RNF40: variants seen among roughly 807,000 people sequenced by gnomAD.
RNF40 encodes the protein ring finger protein 40.
Under a neutral mutation model 123.3 loss-of-function variants are expected in RNF40, and 39 were observed. The ratio of observed to expected loss-of-function variants is 0.32; its 90% confidence interval spans 0.24 to 0.41. The LOEUF (loss-of-function observed/expected upper bound fraction) is 0.41, where lower values mean the gene tolerates loss of function less well. Among genes scored for constraint, RNF40 ranks in the 10% least tolerant of loss-of-function variants. The pLI is 1.00. For missense variants in RNF40, 1,003 were observed against 1,319.9 expected (o/e 0.76, Z 3.72); for synonymous variants, 538 against 526.0 (o/e 1.02, Z -0.31).
In RNF40 at chr16:30,769,340, A is replaced by G. The variant is rs780682549; in HGVS notation, c.2402A>G (p.Lys801Arg). The change falls in exon 16 of 20, where the codon AAG becomes AGG. Residue 801 changes from lysine to arginine, a missense_variant. Lys to Arg is a conservative substitution (Grantham distance 26). Coordinates refer to ENST00000324685, the MANE Select transcript of RNF40 (RefSeq NM_014771.4). ...CGGATCAAGGCCAACCAGATTCACA[A>G]GCTGCTGCGGGAGGAGAAGGATGAG... The part of the protein sequence containing the change: ...SERIKANQIH[K>R]LLREEKDELG... 15 of 1,614,106 alleles carry G rather than the reference A, an allele frequency of 9.3e-6. No individual in the cohort carries two copies. The highest frequency in any genetic ancestry group is 2.2e-5 in the South Asian group (2 of 91,082).
At chr16:30,762,723 C>T (rs751463601) in intron 2 of RNF40, 46 bp downstream of exon 2, 10 of 1,596,008 alleles carry the variant, frequency 6.3e-6, no homozygotes, top group East Asian at 2.2e-5. Flanking sequence ...CAGAGCCCTC[C>T]CTCTGTTCTC....
Position 30,766,848 on chromosome 16 carries a change from G to A in RNF40, c.1401G>A (p.Glu467=). 1.9e-6 allele frequency: 3 copies of A among 1,613,736 alleles called. No homozygotes were observed. The highest frequency in any genetic ancestry group is 2.5e-6 in the Non-Finnish European group (3 of 1,179,992). ...KEYEMLRIEF[E]QNLAANEQAG... ...ATGAGATGCTGCGCATCGAGTTTGA[G>A]CAGAATCTGGCGGCCAACGAGCAGG... Residue 467 remains glutamate (E), a synonymous_variant, in exon 11 of 20, where the codon GAG becomes GAA. Transcript: ENST00000324685. The surrounding 1 kb of genome is among the most constrained non-coding windows in gnomAD (Gnocchi z 5.4).
Position 30,765,072 on chromosome 16 carries a change from G to T in RNF40, c.771+13G>T. 6.2e-7 allele frequency: 1 copy of T among 1,613,358 alleles called. No individual in the cohort carries two copies. The highest frequency in any genetic ancestry group is 8.5e-7 in the Non-Finnish European group (1 of 1,179,402). ...CATCTCATTGGAGGTGAGGAGCCGG[G>T]GGCTTTGGGGGTGTGATTAGAATCA... On this transcript the variant is annotated intron_variant, in intron 6 of 19. Coordinates refer to ENST00000324685, the MANE Select transcript of RNF40 (RefSeq NM_014771.4).
intron 17 of RNF40, among the ~76,000 whole-genome samples, chr16:30,771,616 C>CA (rs551320622): frequency 1.6e-3 from 236 of 149,912 alleles, no homozygotes; most frequent in African/African-American, 5.4e-3. Flanking sequence ...GACTCCGTCT[C>CA]AAAAAAACAA....
At position 30,775,492 on chromosome 16, in the gene RNF40, A is replaced by C. The variant is rs754816424; in HGVS notation, c.*1378A>C. On this transcript the variant is annotated 3_prime_UTR_variant, in exon 20 of 20. Coordinates refer to ENST00000324685, the MANE Select transcript of RNF40 (RefSeq NM_014771.4). ...ACATGGTTAGGAGGTTCTCGGAGAG[A>C]GAGCTAGTTTCCCGGTTGCGCTGGC... is the stretch of plus-strand genomic sequence containing the variant. The C allele has an allele frequency of 4.8e-5, 8 of 165,634 alleles. No homozygotes were observed. The highest frequency in any genetic ancestry group is 1.2e-4 in the Admixed American group (2 of 17,214). 10.3% of individuals were successfully genotyped at this position (165,634 alleles called of 1,614,324 possible). A position where few individuals can be genotyped will look rare whatever the true frequency, so the allele number is the denominator to read the frequency against.
Position 30,774,542 on chromosome 16 carries a change from C to T in RNF40, c.*428C>T, listed in dbSNP as rs1432004133. On this transcript the variant is annotated 3_prime_UTR_variant, in exon 20 of 20. Coordinates refer to ENST00000324685, the MANE Select transcript of RNF40 (RefSeq NM_014771.4). Reference sequence around the variant, plus strand: ...AGGACCAGTGAGCCATGTCCTTGTTCCTTGTTTGAGACTGGGCTGCAGGCC... The same window carrying T: ...AGGACCAGTGAGCCATGTCCTTGTTTCTTGTTTGAGACTGGGCTGCAGGCC... The T allele has an allele frequency of 3.6e-5, 8 of 222,226 alleles. No individual in the cohort carries two copies. The South Asian group carries it at 4.6e-4, about 13-fold the overall frequency. 13.8% of individuals were successfully genotyped at this position (222,226 alleles called of 1,614,324 possible). A position where few individuals can be genotyped will look rare whatever the true frequency, so the allele number is the denominator to read the frequency against.
intron 5 of RNF40, among the ~76,000 whole-genome samples, 191 bp from the exon 6 acceptor site, chr16:30,764,746 GC>G: frequency 6.6e-6 from 1 of 152,352 alleles, no homozygotes; most frequent in South Asian, 2.1e-4. Context: ...ACCTGGACAT[GC>G]TGGGAAAGTG....
intron 19 of RNF40, among the ~76,000 whole-genome samples, chr16:30,772,821 G>A (rs1164535810): frequency 6.6e-6 from 1 of 152,206 alleles, no homozygotes; most frequent in Admixed American, 6.5e-5. Context: ...TTGGTTTTGG[G>A]CTGGAAGAGG....
rs542560791 is a variant in RNF40, at chr16:30,764,919, C to G, written c.650-19C>G. The G allele has an allele frequency of 1.7e-5, 28 of 1,608,536 alleles. No homozygotes were observed. Among genetic ancestry groups the G allele is most frequent in the Non-Finnish European group, 1.6e-5 (19 of 1,178,320 alleles). On this transcript the variant is annotated intron_variant, in intron 5 of 19. Coordinates refer to ENST00000324685, the MANE Select transcript of RNF40 (RefSeq NM_014771.4). Reference sequence around the variant, plus strand: ...CCATTGCCCTGAGCTGGGCTCTTACCTGGGCCCTGCCTTCCCAGGGGACAG... The same window carrying G: ...CCATTGCCCTGAGCTGGGCTCTTACGTGGGCCCTGCCTTCCCAGGGGACAG...
Position 30,768,599 on chromosome 16 carries a change from C to T in RNF40, c.1980-20C>T, listed in dbSNP as rs753816906. ...CTCCAGTCCCACTCACTAAGACTTC[C>T]TCCTGTACCTTCTTGCCAGGAAGGC... is the stretch of plus-strand genomic sequence containing the variant. On this transcript the variant is annotated intron_variant, in intron 13 of 19. Coordinates refer to ENST00000324685, the MANE Select transcript of RNF40 (RefSeq NM_014771.4). This position sits in a 1 kb window ranked among gnomAD's most constrained non-coding sequence, Gnocchi z 4.1. 1 of 1,614,024 alleles carries T rather than the reference C, an allele frequency of 6.2e-7. No individual in the cohort carries two copies. The highest frequency in any genetic ancestry group is 2.2e-5 in the East Asian group (1 of 44,892).
At chr16:30,761,691 G>T, upstream of RNF40, 1 of 1,535,708 alleles carries the variant, frequency 6.5e-7, no homozygotes, top group Non-Finnish European at 8.7e-7. Flanking sequence ...TCGGAGAGAT[G>T]TTCAAGCTCC....
intron 4 of RNF40, 52 bp from the exon 5 acceptor site, chr16:30,764,127 G>A: frequency 1.4e-6 from 2 of 1,480,000 alleles, no homozygotes; most frequent in South Asian, 1.2e-5. Context: ...TTGGTACAGA[G>A]TGGTAGTAAC....
rs1160489989 is a variant in RNF40, at chr16:30,762,518, A to C, written c.-28A>C. ...CCTCCCGTTTGACGCCCCTCAGGGG[A>C]CCCTGCATCGCTCCAGCCGCCGCGG... is the stretch of plus-strand genomic sequence containing the variant. On this transcript the variant is annotated 5_prime_UTR_variant, in exon 2 of 20. Transcript: ENST00000324685. 11 of 1,571,576 alleles carry C rather than the reference A, an allele frequency of 7.0e-6. No homozygotes were observed. In the Admixed American group the frequency reaches 1.8e-4, roughly 25 times the overall value.
chr16:30,762,758 A>C, intron 2 of RNF40, 81 bp downstream of exon 2: 1 of 1,545,622 alleles, frequency 6.5e-7, no homozygotes, highest in South Asian at 1.2e-5. Context: ...GGAATCTTAC[A>C]CCCACTTCCC....
intron 15 of RNF40, 59 bp downstream of exon 15, chr16:30,769,046 T>A: frequency 3.7e-6 from 6 of 1,609,274 alleles, no homozygotes; most frequent in Non-Finnish European, 5.1e-6. Context: ...ATACCCTGTT[T>A]GGTGCCTCTA....
intron 5 of RNF40, among the ~76,000 whole-genome samples, 155 bp downstream of exon 5, chr16:30,764,540 A>G (rs1197437290): frequency 2.0e-5 from 3 of 152,222 alleles, no homozygotes; most frequent in Non-Finnish European, 4.4e-5. Flanking sequence ...GTTAGGCTGT[A>G]GATGGGGGTT....
At chr16:30,771,595 G>A (rs1021406954) in intron 17 of RNF40, among the ~76,000 whole-genome samples, 14 of 151,948 alleles carry the variant, frequency 9.2e-5, no homozygotes, top group African/African-American at 3.1e-4. Context: ...CCAGCGTGGG[G>A]GACAGAGTAA....
Position 30,776,035 on chromosome 16 carries a change from G to T in RNF40, c.*1921G>T, listed in dbSNP as rs1168541651. On this transcript the variant is annotated 3_prime_UTR_variant, in exon 20 of 20. Transcript: ENST00000324685. Reference sequence around the variant, plus strand: ...GCAGCGGTGCGAGGGTGGGAAAAACGCAGGATATTGCATCATAGAGACGCG... The same window carrying T: ...GCAGCGGTGCGAGGGTGGGAAAAACTCAGGATATTGCATCATAGAGACGCG... 1 of 152,238 alleles carries T rather than the reference G, an allele frequency of 6.6e-6. No homozygotes were observed. Among genetic ancestry groups the T allele is most frequent in the Non-Finnish European group, 1.5e-5 (1 of 68,052 alleles). 9.4% of individuals were successfully genotyped at this position (152,238 alleles called of 1,614,324 possible).
In RNF40 at chr16:30,765,489, G is replaced by A. The variant is rs1195066529; in HGVS notation, c.983G>A (p.Ser328Asn). 6.2e-7 allele frequency: 1 copy of A among 1,614,024 alleles called. No individual in the cohort carries two copies. The highest frequency in any genetic ancestry group is 1.1e-5 in the South Asian group (1 of 91,080). Residue 328 changes from serine (S) to asparagine (N), a missense_variant, in exon 8 of 20, where the codon AGC becomes AAC. Ser to Asn is a conservative substitution (Grantham distance 46, BLOSUM62 1). This residue lies in a region of RNF40 where 274 missense variants were observed against 356.9 expected (regional missense o/e 0.77). Coordinates refer to ENST00000324685, the MANE Select transcript of RNF40 (RefSeq NM_014771.4). ...SGFQGGQITL[S>N]MQKFEMLNAE... The stretch of plus-strand genomic sequence containing the variant: ...TTCCAGGGGGGCCAGATCACACTCA[G>A]CATGCAGAAGGTGAGCGGCGTTTTC...
Sources: gnomAD v4.1 joint callset for allele counts (sites outside exome capture counted in the v4.1 genomes callset) on GRCh38, gnomAD v4.1.1 for gene constraint, gnomAD v4.1.1 regional missense constraint, Gnocchi (gnomAD v3.1) non-coding constraint, MANE v1.5 for transcripts, NCBI Gene and HGNC (gene_info 2026-07-23, HGNC 2026-07-21) for gene names.